NFIB: variants seen among roughly 807,000 people sequenced by gnomAD.
NFIB encodes nuclear factor I B.
In NFIB, 11 loss-of-function variants were observed where a neutral mutation model predicts 61.5. The observed-to-expected ratio is 0.18, with a 90% CI of 0.11 to 0.30. The LOEUF is 0.30. NFIB is among the 10% of genes least tolerant of loss of function. The pLI is 1.00. For missense variants in NFIB, 471 were observed against 608.9 expected, an observed-to-expected ratio of 0.77 and a Z score of 2.38; for synonymous variants, 260 against 216.5, an observed-to-expected ratio of 1.20 and a Z score of -1.76.
the NFIB span, among the ~76,000 whole-genome samples, chr9:14,423,937 A>G: frequency 3.3e-5 from 5 of 152,108 alleles, no homozygotes; most frequent in African/African-American, 1.2e-4. Flanking sequence ...TCACAAGGGC[A>G]ACCCGGGTCG....
At chr9:14,411,513 C>T in the NFIB span, among the ~76,000 whole-genome samples, 7 of 152,116 alleles carry the variant, frequency 4.6e-5, no homozygotes, top group Non-Finnish European at 4.4e-5. Context: ...ATAAGGGCAC[C>T]TGGCCATCCT....
At position 14,291,489 on chromosome 9, in the gene NFIB, T is replaced by C. The variant is rs189429197; in HGVS notation, c.562+15500A>G. 7.9e-5 allele frequency among the ~76,000 whole-genome samples: 12 copies of C among 152,300 alleles called. No individual in the cohort carries two copies. In the East Asian group the frequency reaches 2.1e-3, roughly 27 times the overall value. On this transcript the variant is annotated intron_variant, in intron 2 of 10. Coordinates refer to ENST00000380953, the MANE Select transcript of NFIB (RefSeq NM_001190737.2). ...GACAGAGACTCTGTAAAAGAATTTC[T>C]ACCTTAACAAAAAGATTCATTGAAA...
At chr9:14,097,662 A>C (rs2035024714) in intron 10 of NFIB, among the ~76,000 whole-genome samples, 1 of 152,180 alleles carries the variant, frequency 6.6e-6, no homozygotes, top group Non-Finnish European at 1.5e-5. Context: ...ACACACAAAC[A>C]CATATATGTA....
chr9:14,198,765 T>C (rs2048714110), intron 2 of NFIB, among the ~76,000 whole-genome samples: 1 of 152,198 alleles, frequency 6.6e-6, no homozygotes, highest in Non-Finnish European at 1.5e-5. Flanking sequence ...TGGCTGCTGA[T>C]GCTTGCTCAC....
rs2060367455 is a variant in NFIB, at chr9:14,313,190, C to A, written c.30+292G>T. Among the ~76,000 whole-genome samples the A allele has an allele frequency of 1.3e-5, 2 of 152,078 alleles. No individual in the cohort carries two copies. Among genetic ancestry groups the A allele is most frequent in the Non-Finnish European group, 2.9e-5 (2 of 67,996 alleles). On this transcript the variant is annotated intron_variant, in intron 1 of 10. Transcript: ENST00000380953. The surrounding 1 kb of genome is among the most constrained non-coding windows in gnomAD (Gnocchi z 4.5). ...ACCACAACGGGCACTTGAGGGGCCG[C>A]ACGGGGCCTCGCACTTACAGGTCCC...
At chr9:14,232,379 C>G (rs893292352) in intron 2 of NFIB, among the ~76,000 whole-genome samples, 3 of 152,174 alleles carry the variant, frequency 2.0e-5, no homozygotes, top group African/African-American at 7.2e-5. Flanking sequence ...TCCGTGTGTG[C>G]CTGTCTTCCT....
chr9:14,204,507 T>C, intron 2 of NFIB: 1 of 1,142,148 alleles, frequency 8.8e-7, no homozygotes, highest in African/African-American at 1.5e-5. Flanking sequence ...ACCCAGGACC[T>C]GGACCACCAA....
At chr9:14,228,320 G>A (rs1280384497) in intron 2 of NFIB, among the ~76,000 whole-genome samples, 5 of 150,772 alleles carry the variant, frequency 3.3e-5, no homozygotes, top group Non-Finnish European at 7.4e-5. Context: ...TCAGCCTCTC[G>A]AGTAGCTGGG....
intron 1 of NFIB, among the ~76,000 whole-genome samples, chr9:14,346,533 G>A (rs537227678): frequency 2.0e-5 from 3 of 152,092 alleles, no homozygotes; most frequent in Non-Finnish European, 4.4e-5. Context: ...CCACACCGTC[G>A]GCGACGGATT....
At chr9:14,282,380 T>C (rs561273492) in intron 2 of NFIB, among the ~76,000 whole-genome samples, 78 of 152,304 alleles carry the variant, frequency 5.1e-4, no homozygotes, top group African/African-American at 1.8e-3. Context: ...AAAAATCGTA[T>C]TGTGTTTAAT....
chr9:14,396,863 G>C (rs1431810852), intron 1 of NFIB, among the ~76,000 whole-genome samples: 1 of 152,114 alleles, frequency 6.6e-6, no homozygotes, highest in Non-Finnish European at 1.5e-5. Context: ...TGTGGTCTTT[G>C]AGCCATTAAT....
At chr9:14,490,187 A>G in the NFIB span, among the ~76,000 whole-genome samples, 1 of 152,202 alleles carries the variant, frequency 6.6e-6, no homozygotes, top group African/African-American at 2.4e-5. Flanking sequence ...AAATTTAACA[A>G]TCTAATGAGT....
upstream of NFIB, among the ~76,000 whole-genome samples, chr9:14,402,322 A>C (rs1262914686): frequency 6.6e-6 from 1 of 152,036 alleles, no homozygotes; most frequent in Admixed American, 6.6e-5. Context: ...TATGTCAAAA[A>C]CTCTGCAAAT....
chr9:14,512,790 TTC>T, the NFIB span, among the ~76,000 whole-genome samples: 1 of 152,158 alleles, frequency 6.6e-6, no homozygotes, highest in Non-Finnish European at 1.5e-5. Flanking sequence ...CGTCTTTCTT[TTC>T]TCTGTCACGT....
At chr9:14,470,519 C>T in the NFIB span, among the ~76,000 whole-genome samples, 32 of 152,266 alleles carry the variant, frequency 2.1e-4, no homozygotes, top group African/African-American at 7.5e-4. Flanking sequence ...TCCATAAGGG[C>T]CAGATGGTCA....
chr9:14,093,828 G>GA (rs1442250495), intron 10 of NFIB, among the ~76,000 whole-genome samples: 3 of 151,928 alleles, frequency 2.0e-5, no homozygotes, highest in Non-Finnish European at 2.9e-5. Flanking sequence ...TACGTCTTGT[G>GA]AAAAAAATGC....
chr9:14,400,844 C>T (rs2061735990), upstream of NFIB, among the ~76,000 whole-genome samples: 1 of 152,158 alleles, frequency 6.6e-6, no homozygotes, highest in South Asian at 2.1e-4. Context: ...ACAAAACATT[C>T]TGGTGGGGTG....
chr9:14,150,883 C>T (rs928747313), intron 4 of NFIB, among the ~76,000 whole-genome samples: 2 of 151,792 alleles, frequency 1.3e-5, no homozygotes, highest in Non-Finnish European at 1.5e-5. Flanking sequence ...CCCCATTTAC[C>T]CTGATGTGAT....
At chr9:14,318,392 T>C (rs1221401687), upstream of NFIB, among the ~76,000 whole-genome samples, 1 of 152,162 alleles carries the variant, frequency 6.6e-6, no homozygotes, top group African/African-American at 2.4e-5. Context: ...ATTGTTTTTC[T>C]TTTAACCTTT....
Sources: allele counts gnomAD v4.1 joint callset (sites outside exome capture counted in the v4.1 genomes callset), GRCh38; gene constraint gnomAD v4.1.1; non-coding constraint Gnocchi (gnomAD v3.1); transcripts MANE v1.5; gene names NCBI Gene and HGNC (gene_info 2026-07-23, HGNC 2026-07-21).